DNAH12: variants seen among roughly 807,000 people sequenced by gnomAD.
The protein encoded by DNAH12 is axonemal beta dynein heavy chain 12.
In DNAH12, 285 loss-of-function variants were observed where a neutral mutation model predicts 371.5. That is an observed-to-expected ratio of 0.77 (90% CI 0.70 to 0.85). The LOEUF is 0.85. Ranked by LOEUF, DNAH12 falls within the 40% of genes least tolerant of loss-of-function variation. DNAH12 has a pLI of 0.00. For missense variants in DNAH12, 3,611 were observed against 3,689.4 expected, an observed-to-expected ratio of 0.98 and a Z score of 0.55; for synonymous variants, 1,200 against 1,213.0, an observed-to-expected ratio of 0.99 and a Z score of 0.22.
intron 4 of DNAH12, among the ~76,000 whole-genome samples, chr3:57,522,404 C>T (rs1013038524): frequency 2.6e-5 from 4 of 152,020 alleles, no homozygotes; most frequent in South Asian, 2.1e-4. Flanking sequence ...AACACATACA[C>T]GCAAATATTA....
At chr3:57,347,719 C>CT (rs1201439075) in intron 60 of DNAH12, among the ~76,000 whole-genome samples, 1 of 91,554 alleles carries the variant, frequency 1.1e-5, no homozygotes, top group Non-Finnish European at 2.9e-5. Flanking sequence ...AAGAATCTGT[C>CT]TTAAAAAAAA....
intron 2 of DNAH12, among the ~76,000 whole-genome samples, chr3:57,538,702 A>G (rs2069153122): frequency 6.6e-6 from 1 of 151,992 alleles, no homozygotes; most frequent in Non-Finnish European, 1.5e-5. Context: ...TTCTCAGTTC[A>G]CTTGCTCACT....
At position 57,470,707 on chromosome 3, in the gene DNAH12, T is replaced by C. The variant is rs17058226; in HGVS notation, c.1912-71A>G. On this transcript the variant is annotated intron_variant, in intron 15 of 73. Coordinates refer to ENST00000495027, the MANE Select transcript of DNAH12 (RefSeq NM_001366028.2). ...TTATAAAAATAAAATCCTATGATAC[T>C]GTGTACAATATGTCCTTGTATTTAT... The C allele has an allele frequency of 2.2e-3, 2,690 of 1,242,532 alleles. 30 individuals carry two copies. The African/African-American group carries it at 0.037, about 17-fold the overall frequency. 77.0% of individuals were successfully genotyped at this position (1,242,532 alleles called of 1,614,324 possible). A position where few individuals can be genotyped will look rare whatever the true frequency, so the allele number is the denominator to read the frequency against.
chr3:57,361,407 T>C (rs1409769800), intron 58 of DNAH12, among the ~76,000 whole-genome samples: 1 of 144,608 alleles, frequency 6.9e-6, no homozygotes, highest in Non-Finnish European at 1.5e-5. Context: ...GCACTATATA[T>C]ATATACACAC....
intron 29 of DNAH12, among the ~76,000 whole-genome samples, chr3:57,444,338 A>C (rs1575607355): frequency 6.6e-6 from 1 of 151,962 alleles, no homozygotes. Flanking sequence ...CAGTGGTGGG[A>C]CACCACCATG....
At chr3:57,492,878 A>T (rs571316414) in intron 11 of DNAH12, among the ~76,000 whole-genome samples, 19 of 151,948 alleles carry the variant, frequency 1.3e-4, no homozygotes, top group Non-Finnish European at 2.5e-4. Context: ...AGTGGTAGGC[A>T]CCTGTAGTCT....
At chr3:57,320,637 G>T (rs2061784464) in intron 65 of DNAH12, among the ~76,000 whole-genome samples, 1 of 152,108 alleles carries the variant, frequency 6.6e-6, no homozygotes, top group Non-Finnish European at 1.5e-5. Context: ...TGCAGAAACT[G>T]GAAGGCAATG....
At position 57,466,275 on chromosome 3, in the gene DNAH12, A is replaced by T. The variant is rs372725337; in HGVS notation, c.2349+2461T>A. ...ATACTCACATTGTTATATATGTAAT[A>T]AAACTCTGGAACTATACACAAGAAG... On this transcript the variant is annotated intron_variant, in intron 17 of 73. Transcript: ENST00000495027. 1.9e-4 allele frequency among the ~76,000 whole-genome samples: 29 copies of T among 152,332 alleles called. No individual in the cohort carries two copies. In the East Asian group the frequency reaches 5.2e-3, roughly 27 times the overall value.
intron 44 of DNAH12, among the ~76,000 whole-genome samples, chr3:57,393,710 A>T (rs1575539146): frequency 6.6e-6 from 1 of 151,806 alleles, no homozygotes; most frequent in African/African-American, 2.4e-5. Context: ...ATAGTAGCAG[A>T]CACGTCACCA....
At chr3:57,510,675 T>C (rs1215862803) in intron 5 of DNAH12, 115 bp downstream of exon 5, 3 of 888,550 alleles carry the variant, frequency 3.4e-6, no homozygotes, top group Non-Finnish European at 5.2e-6. Context: ...AAAAACCAGA[T>C]ATAGTTTAAA....
chr3:57,444,809 C>T lies in DNAH12; in HGVS notation c.4433G>A (p.Arg1478Gln), dbSNP rs565975307. ...TGGTTCATTTACATCTTTAATTGAT[C>T]GAAGAAGCTAAAATTACCCAAAAAG... is the stretch of plus-strand genomic sequence containing the variant. ...PNENEDILLL[R>Q]SIKDVNEPKF... Residue 1478 changes from arginine (R) to glutamine (Q), a missense_variant, in exon 29 of 74, where the codon CGA becomes CAA. By Grantham distance (43) the Arg-to-Gln change is conservative. Coordinates refer to ENST00000495027, the MANE Select transcript of DNAH12 (RefSeq NM_001366028.2). 72 of 1,540,046 alleles carry T rather than the reference C, an allele frequency of 4.7e-5. No individual in the cohort carries two copies. The highest frequency in any genetic ancestry group is 2.0e-4 in the South Asian group (16 of 81,322).
At position 57,504,218 on chromosome 3, in the gene DNAH12, A is replaced by T. The variant is rs752702200; in HGVS notation, c.898-14T>A. 1.3e-6 allele frequency: 2 copies of T among 1,598,068 alleles called. No individual in the cohort carries two copies. The highest frequency in any genetic ancestry group is 1.1e-5 in the South Asian group (1 of 89,326). ...TAGATCCTTTAGCTGCGTGATATAA[A>T]TCACTGTTACTTTAGAGAGTACAAA... On this transcript the variant is annotated splice_polypyrimidine_tract_variant and intron_variant, in intron 8 of 73. Transcript: ENST00000495027.
At chr3:57,458,818 G>T (rs1212952016) in intron 20 of DNAH12, among the ~76,000 whole-genome samples, 1 of 152,148 alleles carries the variant, frequency 6.6e-6, no homozygotes, top group African/African-American at 2.4e-5. Flanking sequence ...CTGCAAGAAA[G>T]ATCTGTCCTG....
Position 57,368,275 on chromosome 3 carries a change from G to T in DNAH12, c.8760-15C>A, listed in dbSNP as rs956305670. ...TCATTAAAGGCCTAGAATATAATAA[G>T]AAAAATTCTGAGAGGAAGACATAGA... On this transcript the variant is annotated splice_polypyrimidine_tract_variant and intron_variant, in intron 55 of 73. Transcript: ENST00000495027. The T allele has an allele frequency of 1.6e-4, 25 of 152,066 alleles. No individual in the cohort carries two copies. Among genetic ancestry groups the T allele is most frequent in the African/African-American group, 5.5e-4 (23 of 41,496 alleles). The allele number at this position is 152,066 out of a possible 1,614,324, so 9.4% of individuals were successfully genotyped here. A position where few individuals can be genotyped will look rare whatever the true frequency, so the allele number is the denominator to read the frequency against.
At chr3:57,352,694 G>A (rs2062708018) in intron 59 of DNAH12, among the ~76,000 whole-genome samples, 1 of 151,830 alleles carries the variant, frequency 6.6e-6, no homozygotes, top group Non-Finnish European at 1.5e-5. Context: ...ATTAGTGTAA[G>A]GCTCTATGGT....
chr3:57,550,801 T>C, the DNAH12 span, among the ~76,000 whole-genome samples: 1 of 151,680 alleles, frequency 6.6e-6, no homozygotes, highest in Non-Finnish European at 1.5e-5. Flanking sequence ...ATATATTTAT[T>C]CTAAGACAAT....
At chr3:57,334,405 C>A (rs1170767328) in intron 62 of DNAH12, 60 bp downstream of exon 62, 3 of 1,480,582 alleles carry the variant, frequency 2.0e-6, no homozygotes, top group Non-Finnish European at 2.7e-6. Context: ...GAACTTTAAG[C>A]CTAGCACTTC....
chr3:57,426,098 C>T (rs2064759906), intron 34 of DNAH12, among the ~76,000 whole-genome samples: 1 of 151,820 alleles, frequency 6.6e-6, no homozygotes. Flanking sequence ...GCCAGGTGAA[C>T]AAGGGAAGGA....
the DNAH12 span, among the ~76,000 whole-genome samples, chr3:57,554,985 C>T: frequency 3.3e-5 from 5 of 152,134 alleles, no homozygotes; most frequent in South Asian, 1.0e-3. Flanking sequence ...GTGGTTTTCA[C>T]TTGTTATCCC....
Sources: allele counts gnomAD v4.1 joint callset (sites outside exome capture counted in the v4.1 genomes callset), GRCh38; gene constraint gnomAD v4.1.1; transcripts MANE v1.5; gene names NCBI Gene and HGNC (gene_info 2026-07-23, HGNC 2026-07-21).